UST: variants seen among roughly 807,000 people sequenced by gnomAD.
UST encodes the protein chondroitin sulfate 2-O-sulfotransferase.
Under a neutral mutation model 45.6 loss-of-function variants are expected in UST, and 21 were observed. The observed-to-expected ratio is 0.46, with a 90% confidence interval of 0.33 to 0.66. The LOEUF is 0.66. Ranked by LOEUF, UST falls within the 30% of genes least tolerant of loss-of-function variation. The pLI is 0.02. For synonymous variants in UST, 215 were observed against 200.6 expected (o/e 1.07, Z -0.61); for missense variants, 463 against 512.4 (o/e 0.90, Z 0.93).
At chr6:149,000,801 G>A (rs1288941827) in intron 5 of UST, among the ~76,000 whole-genome samples, 1 of 151,978 alleles carries the variant, frequency 6.6e-6, no homozygotes, top group East Asian at 1.9e-4. Context: ...TGAAAAATAT[G>A]GTTATTGAAG....
At chr6:149,029,458 T>TA (rs1554235901) in intron 7 of UST, among the ~76,000 whole-genome samples, 72 of 142,640 alleles carry the variant, frequency 5.0e-4, no homozygotes, top group African/African-American at 1.8e-3. Flanking sequence ...TATATATACA[T>TA]TATATATTAT....
chr6:148,869,677 C>G (rs903081767), intron 1 of UST, among the ~76,000 whole-genome samples: 1 of 152,202 alleles, frequency 6.6e-6, no homozygotes, highest in Non-Finnish European at 1.5e-5. Context: ...TCAGCATCAG[C>G]ATTTATGAGC....
At chr6:149,056,690 G>A (rs964381926) in intron 7 of UST, among the ~76,000 whole-genome samples, 1 of 152,174 alleles carries the variant, frequency 6.6e-6, no homozygotes, top group East Asian at 1.9e-4. Context: ...CTGTTAATTT[G>A]CATTCCCCTA....
intron 3 of UST, among the ~76,000 whole-genome samples, chr6:148,946,550 A>G (rs1410400208): frequency 2.3e-5 from 3 of 129,688 alleles, no homozygotes; most frequent in Non-Finnish European, 4.8e-5. Context: ...GGTGGCTCAT[A>G]CCTGTAATCT....
intron 7 of UST, among the ~76,000 whole-genome samples, chr6:149,039,527 C>T (rs1237842745): frequency 2.0e-5 from 3 of 152,160 alleles, no homozygotes; most frequent in African/African-American, 4.8e-5. Context: ...ATAGTCACAG[C>T]GGCACGGCAA....
At chr6:149,015,756 G>C (rs1483395375) in intron 5 of UST, among the ~76,000 whole-genome samples, 2 of 152,198 alleles carry the variant, frequency 1.3e-5, no homozygotes, top group African/African-American at 4.8e-5. Flanking sequence ...AACAATGCAG[G>C]ATAATAAATC....
intron 1 of UST, among the ~76,000 whole-genome samples, chr6:148,759,923 CTT>C (rs1349063213): frequency 4.0e-5 from 6 of 149,326 alleles, no homozygotes; most frequent in South Asian, 2.1e-4. Flanking sequence ...TTTCTTTTCT[CTT>C]GAGAATCACT....
chr6:148,918,704 C>T (rs1318241599), intron 2 of UST, among the ~76,000 whole-genome samples: 1 of 152,210 alleles, frequency 6.6e-6, no homozygotes, highest in African/African-American at 2.4e-5. Flanking sequence ...AATAAAATGT[C>T]AGAGGTGCAG....
Position 148,955,819 on chromosome 6 carries a change from G to A in UST, c.527+1868G>A, listed in dbSNP as rs139183516. On this transcript the variant is annotated intron_variant, in intron 4 of 7. Coordinates refer to ENST00000367463, the MANE Select transcript of UST (RefSeq NM_005715.3). ...TAGGTCAAATCTTTACAACCAAACA[G>A]ATTGCAATGCAACAAATTTTAAATA... is the stretch of plus-strand genomic sequence containing the variant. The A allele has an allele frequency of 7.0e-4, 107 of 152,302 alleles. 1 individual carries two copies. Among genetic ancestry groups the A allele is most frequent in the African/African-American group, 2.4e-3 (100 of 41,554 alleles). The allele number at this position is 152,302 out of a possible 1,614,324, so 9.4% of individuals were successfully genotyped here. A position where few individuals can be genotyped will look rare whatever the true frequency, so the allele number is the denominator to read the frequency against.
At chr6:148,996,311 C>T (rs1193171456) in intron 5 of UST, among the ~76,000 whole-genome samples, 1 of 152,174 alleles carries the variant, frequency 6.6e-6, no homozygotes, top group African/African-American at 2.4e-5. Context: ...CTCTGCCTCC[C>T]AGGTTCAAGT....
At chr6:148,909,806 TC>T (rs952790573) in intron 2 of UST, among the ~76,000 whole-genome samples, 1 of 151,456 alleles carries the variant, frequency 6.6e-6, no homozygotes, top group African/African-American at 2.4e-5. Flanking sequence ...TCAAGCACTG[TC>T]CCCCCCGCCA....
intron 4 of UST, chr6:148,959,035 A>G (rs1343495293): frequency 1.3e-5 from 2 of 152,026 alleles, no homozygotes. Context: ...TCCGGTGCCA[A>G]TAGTAACTTG....
At chr6:148,997,382 T>C (rs997594024) in intron 5 of UST, among the ~76,000 whole-genome samples, 3 of 152,120 alleles carry the variant, frequency 2.0e-5, no homozygotes, top group African/African-American at 7.2e-5. Flanking sequence ...TATAAAGGTC[T>C]GAGGATTCAT....
intron 2 of UST, among the ~76,000 whole-genome samples, chr6:148,909,524 A>C (rs1779434987): frequency 6.6e-6 from 1 of 152,206 alleles, no homozygotes; most frequent in Non-Finnish European, 1.5e-5. Flanking sequence ...TTCCAATTGC[A>C]GGCACCCAAA....
intron 7 of UST, among the ~76,000 whole-genome samples, chr6:149,046,798 T>C (rs1382561068): frequency 6.6e-6 from 1 of 152,196 alleles, no homozygotes; most frequent in Non-Finnish European, 1.5e-5. Flanking sequence ...GTTTTTGAGT[T>C]TGAAAGGAGA....
intron 5 of UST, among the ~76,000 whole-genome samples, chr6:148,995,027 T>TTG (rs145094971): frequency 0.2 from 29,680 of 151,366 alleles, 3,460 homozygotes; most frequent in South Asian, 0.32. Context: ...TATCCTTATC[T>TTG]TGTGTGTGTG....
At chr6:148,755,110 G>T (rs1776070144) in intron 1 of UST, among the ~76,000 whole-genome samples, 1 of 152,124 alleles carries the variant, frequency 6.6e-6, no homozygotes, top group Non-Finnish European at 1.5e-5. Context: ...CTTTATATTT[G>T]CTCACTAGAA....
chr6:148,868,595 G>A (rs992070159), intron 1 of UST, among the ~76,000 whole-genome samples: 10 of 152,124 alleles, frequency 6.6e-5, no homozygotes, highest in East Asian at 3.8e-4. Flanking sequence ...AAAAGAAACC[G>A]ATCTACTAAG....
intron 1 of UST, among the ~76,000 whole-genome samples, chr6:148,771,314 C>G (rs1776420155): frequency 6.6e-6 from 1 of 152,192 alleles, no homozygotes; most frequent in Admixed American, 6.5e-5. Context: ...AGAAGTGGCT[C>G]TGCTTCCATT....
Sources: allele counts gnomAD v4.1 joint callset (sites outside exome capture counted in the v4.1 genomes callset), GRCh38; gene constraint gnomAD v4.1.1; transcripts MANE v1.5; gene names NCBI Gene and HGNC (gene_info 2026-07-23, HGNC 2026-07-21).